The following FBN3 variants were observed in gnomAD, a reference collection of about 807,000 sequenced individuals.
The protein encoded by FBN3 is fibrillin-3.
In FBN3, 234 loss-of-function variants were observed where a neutral mutation model predicts 330.1. The observed-to-expected ratio is 0.71, with a 90% CI of 0.64 to 0.79. The LOEUF (loss-of-function observed/expected upper bound fraction) is 0.79. Ranked by LOEUF, FBN3 falls within the 30% of genes least tolerant of loss-of-function variation. The pLI, the probability that FBN3 is intolerant of heterozygous loss-of-function variation, is 0.00. For missense variants in FBN3, 3,606 were observed against 3,886.9 expected (o/e 0.93, Z 1.92); for synonymous variants, 1,458 against 1,517.3 (o/e 0.96, Z 0.91).
chr19:8,135,936 G>GCGCC, intron 13 of FBN3, 25 bp downstream of exon 13: 10 of 668,776 alleles, frequency 1.5e-5, no homozygotes, highest in Non-Finnish European at 1.9e-5. Flanking sequence ...GGAAGCCCCT[G>GCGCC]CCCACCCGCC....
At position 8,081,042 on chromosome 19, in the gene FBN3, A is replaced by G. The variant is rs1242513988; in HGVS notation, c.7414T>C (p.Cys2472Arg). 6.2e-7 allele frequency: 1 copy of G among 1,613,456 alleles called. No individual in the cohort carries two copies. Among genetic ancestry groups the G allele is most frequent in the South Asian group, 1.1e-5 (1 of 91,084 alleles). The stretch of plus-strand genomic sequence containing the variant: ...TGGTGCTGGGTGAAGCCGGGCGGAC[A>G]GCGGCAGGTGAAGGCGCCCACAGTG... ...VNTVGAFTCR[C>R]PPGFTQHHQA... is the part of the protein sequence containing the mutation. Residue 2472 changes from cysteine to arginine, a missense_variant, in exon 59 of 64, where the codon TGT becomes CGT. Physicochemically the swap from Cys to Arg is radical, Grantham distance 180. Transcript: ENST00000600128.
At chr19:8,068,122 C>G (rs2145332484) in intron 63 of FBN3, among the ~76,000 whole-genome samples, 1 of 152,022 alleles carries the variant, frequency 6.6e-6, no homozygotes, top group Admixed American at 6.6e-5. Context: ...CGCAGTGGCT[C>G]ACACCTGTAA....
At chr19:8,071,022 CAAA>C (rs34381445) in intron 63 of FBN3, among the ~76,000 whole-genome samples, 3 of 96,076 alleles carry the variant, frequency 3.1e-5, no homozygotes, top group Admixed American at 1.1e-4. Flanking sequence ...GACTCTGTCT[CAAA>C]AAAAAAAAAA....
At chr19:8,143,795 TTTTCTTTC>T (rs146473687) in intron 6 of FBN3, among the ~76,000 whole-genome samples, 10 of 140,022 alleles carry the variant, frequency 7.1e-5, no homozygotes, top group East Asian at 4.3e-4. Flanking sequence ...GCCTGGCCTC[TTTTCTTTC>T]TTTCTTTCTT....
At position 8,129,397 on chromosome 19, in the gene FBN3, CAGA is replaced by C. The variant is rs1568438489; in HGVS notation, c.2045-35_2045-33del. ...CAGGAGGAGGGTGTGTCAGCAGCAG[CAGA>C]AGGAGGGTGTGTCCGAGGCAGGAGG... On this transcript the variant is annotated intron_variant, in intron 16 of 63. Coordinates refer to ENST00000600128, the MANE Select transcript of FBN3 (RefSeq NM_032447.5). The surrounding 1 kb of genome is among the most constrained non-coding windows in gnomAD (Gnocchi z 4.5). 4 of 1,610,780 alleles carry C rather than the reference CAGA, an allele frequency of 2.5e-6. No homozygotes were observed. The highest frequency in any genetic ancestry group is 2.2e-5 in the East Asian group (1 of 44,836).
chr19:8,083,651 C>G (rs1456668972), intron 56 of FBN3, among the ~76,000 whole-genome samples: 1 of 151,094 alleles, frequency 6.6e-6, no homozygotes, highest in Non-Finnish European at 1.5e-5. Context: ...ACATGCAGAA[C>G]AGAGACACAC....
At position 8,073,073 on chromosome 19, in the gene FBN3, C is replaced by T. The variant is rs767148587; in HGVS notation, c.7927G>A (p.Ala2643Thr). 3 of 1,608,720 alleles carry T rather than the reference C, an allele frequency of 1.9e-6. No homozygotes were observed. Among genetic ancestry groups the T allele is most frequent in the South Asian group, 2.2e-5 (2 of 90,638 alleles). Residue 2643 changes from alanine (A) to threonine (T), a missense_variant, in exon 62 of 64, where the codon GCT becomes ACT. Transcript: ENST00000600128. ...LCGCPQGYFR[A>T]GQGHCVSGLG... ...ACTCCAGCCTCTCACCCTTGCCCAG[C>T]CCGGAAGTAGCCTTGAGGACAGCCG...
intron 46 of FBN3, 85 bp downstream of exon 46, chr19:8,095,290 C>A: frequency 7.2e-7 from 1 of 1,394,260 alleles, no homozygotes; most frequent in Admixed American, 2.3e-5. Context: ...GTAAATGGAT[C>A]TATGCTCACC....
chr19:8,105,377 C>T (rs1371452934), intron 38 of FBN3, among the ~76,000 whole-genome samples: 1 of 151,994 alleles, frequency 6.6e-6, no homozygotes, highest in African/African-American at 2.4e-5. Flanking sequence ...CCTGCCTCAG[C>T]CTCCCAAGTA....
chr19:8,118,591 A>T (rs2082763274), intron 26 of FBN3, among the ~76,000 whole-genome samples: 1 of 149,240 alleles, frequency 6.7e-6, no homozygotes, highest in Admixed American at 6.7e-5. Flanking sequence ...CACTCCTCAC[A>T]TACAAACACT....
intron 18 of FBN3, 54 bp from the exon 19 acceptor site, chr19:8,126,886 T>C: frequency 6.6e-7 from 1 of 1,505,172 alleles, no homozygotes; most frequent in Admixed American, 2.3e-5. Flanking sequence ...TTGCCTTACC[T>C]GGCCAGGACC....
At position 8,077,843 on chromosome 19, in the gene FBN3, G is replaced by A. The variant is rs190534132; in HGVS notation, c.7454-2432C>T. Among the ~76,000 whole-genome samples the A allele has an allele frequency of 1.6e-4, 25 of 152,242 alleles. No homozygotes were observed. The East Asian group carries it at 3.5e-3, about 21-fold the overall frequency. On this transcript the variant is annotated intron_variant, in intron 59 of 63. Transcript: ENST00000600128. ...TGCAATCCCAGCACTTTGGAAGGCCGAGATGGGCAGATTGCTTGAGCCCAG... is the reference window on the plus strand; with the variant it reads ...TGCAATCCCAGCACTTTGGAAGGCCAAGATGGGCAGATTGCTTGAGCCCAG...
At chr19:8,134,080 A>G (rs1321016249) in intron 13 of FBN3, among the ~76,000 whole-genome samples, 44 of 118,984 alleles carry the variant, frequency 3.7e-4, no homozygotes, top group South Asian at 8.3e-4. Flanking sequence ...CAAAAAAAAA[A>G]AGAAAAAAAA....
chr19:8,103,533 C>T lies in FBN3; in HGVS notation c.4939+29G>A, dbSNP rs537761631. ...TGCCCAGGTGCTGCTTCTGTGACTG[C>T]CAGTTCCCTAGGTCATCACGCTTCT... On this transcript the variant is annotated intron_variant, in intron 39 of 63. Transcript: ENST00000600128. The T allele has an allele frequency of 2.7e-5, 44 of 1,605,818 alleles. No homozygotes were observed. In the African/African-American group the frequency reaches 5.5e-4, roughly 20 times the overall value.
intron 51 of FBN3, 111 bp from the exon 52 acceptor site, chr19:8,088,290 GC>G: frequency 7.5e-7 from 1 of 1,338,354 alleles, no homozygotes; most frequent in Non-Finnish European, 1.0e-6. Context: ...CAGATCGAAT[GC>G]ACCTCTAGTC....
chr19:8,125,063 G>A (rs552034461), intron 22 of FBN3, among the ~76,000 whole-genome samples: 2 of 152,246 alleles, frequency 1.3e-5, no homozygotes, highest in East Asian at 1.9e-4. Flanking sequence ...GAGGCTGTAC[G>A]TGTGTGGAGG....
intron 59 of FBN3, among the ~76,000 whole-genome samples, chr19:8,078,113 A>G (rs1419120269): frequency 6.6e-6 from 1 of 152,108 alleles, no homozygotes; most frequent in African/African-American, 2.4e-5. Context: ...CACCACCCAC[A>G]ATTTCTTTCC....
rs2083061277 is a variant in FBN3 at position 8,129,010 on chromosome 19, G to A, written c.2296+18C>T. 6.2e-7 allele frequency: 1 copy of A among 1,605,496 alleles called. No individual in the cohort carries two copies. The highest frequency in any genetic ancestry group is 8.5e-7 in the Non-Finnish European group (1 of 1,174,772). Reference sequence around the variant, plus strand: ...CATATGTGTGTGTGCAAACCCACGTGAGCCCGGGACCCAGTACCTTTGCAG... The same window carrying A: ...CATATGTGTGTGTGCAAACCCACGTAAGCCCGGGACCCAGTACCTTTGCAG... On this transcript the variant is annotated intron_variant, in intron 18 of 63. Coordinates refer to ENST00000600128, the MANE Select transcript of FBN3 (RefSeq NM_032447.5). This position sits in a 1 kb window ranked among gnomAD's most constrained non-coding sequence, Gnocchi z 4.5.
chr19:8,116,503 C>T (rs1479714556), intron 29 of FBN3, among the ~76,000 whole-genome samples, 171 bp downstream of exon 29: 2 of 152,076 alleles, frequency 1.3e-5, no homozygotes, highest in South Asian at 4.1e-4. Flanking sequence ...GTGCTGGGGA[C>T]CCTTATGTGG....
Sources: allele counts gnomAD v4.1 joint callset (sites outside exome capture counted in the v4.1 genomes callset), GRCh38; gene constraint gnomAD v4.1.1; non-coding constraint Gnocchi (gnomAD v3.1); transcripts MANE v1.5; gene names NCBI Gene and HGNC (gene_info 2026-07-23, HGNC 2026-07-21).